The following TUT7 variants were observed in gnomAD, a reference collection of about 807,000 sequenced individuals.
TUT7 encodes terminal uridylyltransferase 7.
TUT7 carries 33 observed loss-of-function variants against 165.9 expected under a neutral mutation model. The ratio of observed to expected loss-of-function variants is 0.20; its 90% CI spans 0.15 to 0.27. The LOEUF (loss-of-function observed/expected upper bound fraction) is 0.27, where lower values mean the gene tolerates loss of function less well. Ranked by LOEUF, TUT7 falls within the 10% of genes least tolerant of loss-of-function variation. The pLI, the probability that TUT7 is intolerant of heterozygous loss-of-function variation, is 1.00. For missense variants in TUT7, 1,338 were observed against 1,762.3 expected, an observed-to-expected ratio of 0.76 and a Z score of 4.31; for synonymous variants, 552 against 608.1, an observed-to-expected ratio of 0.91 and a Z score of 1.36.
intron 26 of TUT7, among the ~76,000 whole-genome samples, chr9:86,291,362 G>A (rs1369128479): frequency 6.6e-6 from 1 of 152,108 alleles, no homozygotes; most frequent in Admixed American, 6.5e-5. Context: ...CTTGAGGTCA[G>A]GAGTTCAAGG....
In TUT7 at chr9:86,352,726, G is replaced by C; in HGVS notation, c.474C>G (p.Asp158Glu). The change falls in exon 2 of 27, where the codon GAC becomes GAG. Residue 158 changes from aspartate to glutamate, a missense_variant. Asp to Glu is a conservative substitution (Grantham distance 45). Coordinates refer to ENST00000375963, the MANE Select transcript of TUT7 (RefSeq NM_024617.4). Reference protein sequence around the residue: ...CRTVRRLFHKDLTSLETTSEM... With the variant: ...CRTVRRLFHKELTSLETTSEM... ...CTGACGTGGTTTCTAGGCTTGTTAG[G>C]TCTTTATGAAACAGTCGTCTTACAG... 3 of 1,614,174 alleles carry C rather than the reference G, an allele frequency of 1.9e-6. No individual in the cohort carries two copies. The highest frequency in any genetic ancestry group is 2.5e-6 in the Non-Finnish European group (3 of 1,180,028).
At chr9:86,353,851 C>G (rs958941768) in intron 1 of TUT7, among the ~76,000 whole-genome samples, 2 of 152,184 alleles carry the variant, frequency 1.3e-5, no homozygotes, top group African/African-American at 4.8e-5. Flanking sequence ...ATCTAACCTC[C>G]TCAATCCCCG....
At position 86,314,365 on chromosome 9, in the gene TUT7, CTCTT is replaced by C. The variant is rs1324481632; in HGVS notation, c.3274+2850_3274+2853del. Among the ~76,000 whole-genome samples, 3 of 149,932 alleles carry C rather than the reference CTCTT, an allele frequency of 2.0e-5. No individual in the cohort carries two copies. In the East Asian group the frequency reaches 5.9e-4, roughly 30 times the overall value. On this transcript the variant is annotated intron_variant, in intron 17 of 26. Transcript: ENST00000375963. ...GTCTAGTCTCTTTCTCTCAATCTCT[CTCTT>C]TTTCTTCAAGGCTTTCAATGCAAAA... is the stretch of plus-strand genomic sequence containing the variant.
intron 10 of TUT7, among the ~76,000 whole-genome samples, chr9:86,336,588 T>C (rs1185461037): frequency 4.6e-5 from 7 of 152,222 alleles, no homozygotes; most frequent in Admixed American, 4.6e-4. Flanking sequence ...TGTGTACTCA[T>C]TGTTAAGAAC....
intron 10 of TUT7, among the ~76,000 whole-genome samples, chr9:86,329,780 CCTTCTAT>C (rs576795188): frequency 6.6e-5 from 10 of 152,180 alleles, no homozygotes; most frequent in Middle Eastern, 3.4e-3. Context: ...CTTCTCTGAT[CCTTCTAT>C]CTTCTTGGCT....
At chr9:86,334,552 G>T (rs1024159603) in intron 10 of TUT7, among the ~76,000 whole-genome samples, 1 of 152,106 alleles carries the variant, frequency 6.6e-6, no homozygotes, top group Non-Finnish European at 1.5e-5. Context: ...CTAATTCTGG[G>T]GGCAGTGGTT....
intron 2 of TUT7, among the ~76,000 whole-genome samples, chr9:86,348,093 C>T (rs17461620): frequency 0.13 from 20,253 of 152,120 alleles, 1,720 homozygotes; most frequent in Middle Eastern, 0.31. Context: ...GATAGGGAAC[C>T]GAATTCCTTT....
chr9:86,312,205 AG>A (rs1828181937), intron 17 of TUT7, among the ~76,000 whole-genome samples: 2 of 144,100 alleles, frequency 1.4e-5, no homozygotes, highest in African/African-American at 5.2e-5. Context: ...CATCCCATCT[AG>A]GAAGTGAGGA....
In TUT7 at chr9:86,343,160, C is replaced by A; in HGVS notation, c.1001G>T (p.Cys334Phe). 2 of 1,530,560 alleles carry A rather than the reference C, an allele frequency of 1.3e-6. No homozygotes were observed. The highest frequency in any genetic ancestry group is 2.1e-4 in the Middle Eastern group (1 of 4,810). The allele number at this position is 1,530,560 out of a possible 1,614,324, so 94.8% of individuals were successfully genotyped here. A position where few individuals can be genotyped will look rare whatever the true frequency, so the allele number is the denominator to read the frequency against. The change falls in exon 6 of 27, where the codon TGT becomes TTT. Residue 334 changes from cysteine (C) to phenylalanine (F), a missense_variant. Transcript: ENST00000375963. The stretch of plus-strand genomic sequence containing the variant: ...GGATGACCCATATAATCTTAGGGAA[C>A]AATCTAAAAAATAAATAAATAAATA... ...ENVFQHKLPD[C>F]SLRLYGSSCS...
chr9:86,303,248 C>T lies in TUT7; in HGVS notation c.3979-47G>A, dbSNP rs757711293. 6 of 1,007,696 alleles carry T rather than the reference C, an allele frequency of 6.0e-6. No homozygotes were observed. The East Asian group carries it at 7.4e-5, about 12-fold the overall frequency. 62.4% of individuals were successfully genotyped at this position (1,007,696 alleles called of 1,614,324 possible). A position where few individuals can be genotyped will look rare whatever the true frequency, so the allele number is the denominator to read the frequency against. On this transcript the variant is annotated intron_variant, in intron 24 of 26. Coordinates refer to ENST00000375963, the MANE Select transcript of TUT7 (RefSeq NM_024617.4). ...AAAGCCTGAACTATTCACGTGAGAT[C>T]GGAACACAAAACTAACCAGATATTA... is the stretch of plus-strand genomic sequence containing the variant.
intron 26 of TUT7, among the ~76,000 whole-genome samples, chr9:86,297,921 C>CTTTTTTTTTTTTTTTTTTTTTTT (rs59651352): frequency 6.9e-5 from 6 of 86,500 alleles, no homozygotes; most frequent in Admixed American, 1.4e-4. Flanking sequence ...GCCTGCTCCA[C>CTTTTTTTTTTTTTTTTTTTTTTT]TTTTTTTTTT....
chr9:86,325,350 C>CT lies in TUT7; in HGVS notation c.1772dup (p.Arg592AlafsTer5). ...TTGAGATACCTTCAATGGCAATGCG[C>CT]TTTTTGGGCCAATCCTTCAATTCCC... On this transcript the variant is annotated frameshift_variant, in exon 12 of 27. Coordinates refer to ENST00000375963, the MANE Select transcript of TUT7 (RefSeq NM_024617.4). LOFTEE classifies it high-confidence loss of function. 1 of 1,613,804 alleles carries CT rather than the reference C, an allele frequency of 6.2e-7. No individual in the cohort carries two copies. Among genetic ancestry groups the CT allele is most frequent in the Non-Finnish European group, 8.5e-7 (1 of 1,179,854 alleles).
chr9:86,315,130 C>A (rs896345481), intron 17 of TUT7, among the ~76,000 whole-genome samples: 1 of 152,132 alleles, frequency 6.6e-6, no homozygotes, highest in African/African-American at 2.4e-5. Flanking sequence ...TTTACTTTTC[C>A]ACCATCCCTA....
chr9:86,344,365 A>C (rs1038375733), intron 5 of TUT7, among the ~76,000 whole-genome samples: 1 of 152,150 alleles, frequency 6.6e-6, no homozygotes, highest in Non-Finnish European at 1.5e-5. Context: ...CAGTTGTGTC[A>C]GGCATTGAAC....
intron 16 of TUT7, 33 bp from the exon 17 acceptor site, chr9:86,317,309 A>C (rs747225642): frequency 6.3e-7 from 1 of 1,576,496 alleles, no homozygotes; most frequent in South Asian, 1.1e-5. Flanking sequence ...AACTTAACCA[A>C]AACTGGAAGA....
At chr9:86,301,714 A>C (rs985350418) in intron 25 of TUT7, 113 bp from the exon 26 acceptor site, 1 of 1,493,592 alleles carries the variant, frequency 6.7e-7, no homozygotes, top group African/African-American at 1.4e-5. Context: ...CCAGGAATAG[A>C]AAGTATTAAA....
intron 2 of TUT7, among the ~76,000 whole-genome samples, chr9:86,350,711 A>G (rs528819763): frequency 1.3e-5 from 2 of 152,366 alleles, no homozygotes; most frequent in South Asian, 4.1e-4. Context: ...ACTGCATCAG[A>G]TAATTCCTCA....
chr9:86,294,867 A>T (rs1215091190), intron 26 of TUT7, among the ~76,000 whole-genome samples: 6 of 144,460 alleles, frequency 4.2e-5, no homozygotes, highest in Admixed American at 1.4e-4. Flanking sequence ...CATTAGGTAT[A>T]AAAAAAAAAA....
At chr9:86,333,728 G>A (rs1346896474) in intron 10 of TUT7, among the ~76,000 whole-genome samples, 1 of 152,124 alleles carries the variant, frequency 6.6e-6, no homozygotes, top group African/African-American at 2.4e-5. Flanking sequence ...TCTGACACAT[G>A]CTCTGTCTCT....
Sources: gnomAD v4.1 joint callset for allele counts (sites outside exome capture counted in the v4.1 genomes callset) on GRCh38, gnomAD v4.1.1 for gene constraint, MANE v1.5 for transcripts, NCBI Gene and HGNC (gene_info 2026-07-23, HGNC 2026-07-21) for gene names.